The following NF1 variants were observed in gnomAD, a reference collection of about 807,000 sequenced individuals.
The protein encoded by NF1 is neurofibromin 1.
In NF1, 122 loss-of-function variants were observed where a neutral mutation model predicts 325.7. The observed-to-expected ratio is 0.37, with a 90% CI of 0.32 to 0.44. The LOEUF is 0.44. Among genes scored for constraint, NF1 ranks in the 20% least tolerant of loss-of-function variants. The pLI is 1.00. For missense variants in NF1, 2,140 were observed against 3,415.4 expected, an observed-to-expected ratio of 0.63 and a Z score of 9.31; for synonymous variants, 1,091 against 1,186.0, an observed-to-expected ratio of 0.92 and a Z score of 1.65.
chr17:31,373,879 A>G (rs909948372), intron 57 of NF1, 134 bp from the exon 58 acceptor site: 3 of 1,107,336 alleles, frequency 2.7e-6, no homozygotes, highest in South Asian at 1.4e-5. Context: ...TACACTCCAC[A>G]ATATTTGCAC....
intron 36 of NF1, among the ~76,000 whole-genome samples, chr17:31,265,948 T>G (rs2067780120): frequency 6.6e-6 from 1 of 152,170 alleles, no homozygotes; most frequent in South Asian, 2.1e-4. Flanking sequence ...TTCCCTACCA[T>G]TGTCTTTTCT....
At chr17:31,328,553 A>G (rs1467354049) in intron 38 of NF1, among the ~76,000 whole-genome samples, 1 of 152,178 alleles carries the variant, frequency 6.6e-6, no homozygotes, top group Non-Finnish European at 1.5e-5. Flanking sequence ...TAGTATAGCA[A>G]ACTAGCAAAT....
intron 29 of NF1, among the ~76,000 whole-genome samples, chr17:31,246,375 T>G (rs2067391358): frequency 6.6e-6 from 1 of 152,224 alleles, no homozygotes; most frequent in Non-Finnish European, 1.5e-5. Context: ...TCTTACTGTA[T>G]TCATATGCTG....
intron 36 of NF1, chr17:31,305,262 G>T (rs1426911482): frequency 1.2e-6 from 2 of 1,614,186 alleles, no homozygotes; most frequent in African/African-American, 2.7e-5. Context: ...CTTGCTGGGA[G>T]GAGGTGTTGG....
chr17:31,276,232 A>AAG (rs1555620775), intron 36 of NF1, among the ~76,000 whole-genome samples: 6 of 134,414 alleles, frequency 4.5e-5, no homozygotes, highest in South Asian at 2.4e-4. Context: ...AAAAAAAAAA[A>AAG]GGGGCACAAT....
intron 8 of NF1, among the ~76,000 whole-genome samples, chr17:31,191,692 G>A (rs2066345032): frequency 6.6e-6 from 1 of 152,086 alleles, no homozygotes; most frequent in Admixed American, 6.6e-5. Flanking sequence ...TCATGATCGT[G>A]GTTGTAGTTA....
intron 1 of NF1, among the ~76,000 whole-genome samples, chr17:31,117,252 A>T (rs1914007929): frequency 6.6e-6 from 1 of 151,872 alleles, no homozygotes; most frequent in Non-Finnish European, 1.5e-5. Flanking sequence ...GAGTGCTGGG[A>T]TTATAGGTGT....
intron 36 of NF1, among the ~76,000 whole-genome samples, chr17:31,289,789 T>G (rs2068311419): frequency 1.3e-5 from 2 of 152,180 alleles, no homozygotes; most frequent in Non-Finnish European, 2.9e-5. Flanking sequence ...TTAAATGCCT[T>G]AACTGTAGAC....
In NF1 at chr17:31,187,121, A is replaced by T. The variant is rs866587000; in HGVS notation, c.888+4456A>T. 4.6e-5 allele frequency among the ~76,000 whole-genome samples: 7 copies of T among 152,292 alleles called. No individual in the cohort carries two copies. In the South Asian group the frequency reaches 6.2e-4, roughly 14 times the overall value. ...TACCCACCATCATGGTATTCCACAC[A>T]GCATTGCCTCTGACCAAGGCACTCA... On this transcript the variant is annotated intron_variant, in intron 8 of 57. Coordinates refer to ENST00000358273, the MANE Select transcript of NF1 (RefSeq NM_001042492.3).
At chr17:31,241,672 A>C (rs955951406) in intron 29 of NF1, among the ~76,000 whole-genome samples, 1 of 152,022 alleles carries the variant, frequency 6.6e-6, no homozygotes, top group Non-Finnish European at 1.5e-5. Flanking sequence ...TTATCCCCCT[A>C]CTTTTTAACT....
chr17:31,357,072 G>A lies in NF1; in HGVS notation c.7851G>A (p.Ala2617=), dbSNP rs751273275. The A allele has an allele frequency of 5.0e-6, 8 of 1,613,540 alleles. No homozygotes were observed. Among genetic ancestry groups the A allele is most frequent in the Middle Eastern group, 1.6e-4 (1 of 6,062 alleles). The change falls in exon 53 of 58, where the codon GCG becomes GCA. Residue 2617 remains alanine, a synonymous_variant. Transcript: ENST00000358273. The part of the protein sequence containing the change: ...EEVLTDPKIQ[A]LLLTVLATLV... ...TACTTACTGATCCGAAGATCCAGGC[G>A]CTGCTTCTTACTGTTCTAGTAAGGA...
At chr17:31,154,571 G>A (rs1917183512) in intron 1 of NF1, among the ~76,000 whole-genome samples, 1 of 151,956 alleles carries the variant, frequency 6.6e-6, no homozygotes, top group African/African-American at 2.4e-5. Flanking sequence ...AATTAAAAAG[G>A]TTATCTGTGC....
chr17:31,192,124 G>GCT (rs1454373824), intron 8 of NF1, among the ~76,000 whole-genome samples: 1 of 152,050 alleles, frequency 6.6e-6, no homozygotes, highest in Non-Finnish European at 1.5e-5. Context: ...TTCCCATACT[G>GCT]CTATTAACAT....
intron 31 of NF1, among the ~76,000 whole-genome samples, chr17:31,257,150 A>T (rs1209472610): frequency 6.6e-6 from 1 of 152,122 alleles, no homozygotes; most frequent in Non-Finnish European, 1.5e-5. Context: ...GGAAATATTT[A>T]TTGAAGCATT....
intron 16 of NF1, 29 bp downstream of exon 16, chr17:31,223,596 G>C (rs200986839): frequency 6.2e-7 from 1 of 1,600,524 alleles, no homozygotes; most frequent in Non-Finnish European, 8.6e-7. Flanking sequence ...TTAAAAAATG[G>C]AAGAATATTT....
rs1263205215 is a variant in NF1 at position 31,137,947 on chromosome 17, A to G, written c.61-18036A>G. 2.0e-5 allele frequency: 3 copies of G among 151,874 alleles called. No homozygotes were observed. In the East Asian group the frequency reaches 5.8e-4, roughly 29 times the overall value. The allele number at this position is 151,874 out of a possible 1,614,324, so 9.4% of individuals were successfully genotyped here. ...TTCTGGTTTCTGTTACGTTGTCATC[A>G]ATCTGTTTATTTTTTCTTTTCTAGA... On this transcript the variant is annotated intron_variant, in intron 1 of 57. Coordinates refer to ENST00000358273, the MANE Select transcript of NF1 (RefSeq NM_001042492.3).
intron 1 of NF1, among the ~76,000 whole-genome samples, chr17:31,113,249 T>G (rs1913582410): frequency 6.6e-6 from 1 of 152,140 alleles, no homozygotes; most frequent in South Asian, 2.1e-4. Context: ...TTATTGATCT[T>G]GTTTGTTTTT....
intron 12 of NF1, among the ~76,000 whole-genome samples, 169 bp from the exon 13 acceptor site, chr17:31,214,282 A>T (rs979182135): frequency 2.0e-5 from 3 of 152,152 alleles, no homozygotes; most frequent in Non-Finnish European, 4.4e-5. Flanking sequence ...GTTAAGCTTA[A>T]TAATACTGAC....
intron 5 of NF1, among the ~76,000 whole-genome samples, chr17:31,176,462 G>C (rs546545986): frequency 6.6e-6 from 1 of 152,258 alleles, no homozygotes; most frequent in South Asian, 2.1e-4. Flanking sequence ...TAGGTTGCCT[G>C]TTCACTCCGA....
Sources: gnomAD v4.1 joint callset for allele counts (sites outside exome capture counted in the v4.1 genomes callset) on GRCh38, gnomAD v4.1.1 for gene constraint, MANE v1.5 for transcripts, NCBI Gene and HGNC (gene_info 2026-07-23, HGNC 2026-07-21) for gene names.